CFAP99: variants seen among roughly 807,000 people sequenced by gnomAD.
The protein encoded by CFAP99 is cilia- and flagella-associated protein 99.
Under a neutral mutation model 82.7 loss-of-function variants are expected in CFAP99, and 84 were observed. That is an observed-to-expected ratio of 1.02 (90% CI 0.85 to 1.22). The LOEUF (loss-of-function observed/expected upper bound fraction) is 1.22. Ranked by LOEUF, CFAP99 falls within the 50% of genes most tolerant of loss-of-function variation. CFAP99 has a pLI of 0.00. For synonymous variants in CFAP99, 456 were observed against 429.5 expected (o/e 1.06, Z -0.76); for missense variants, 1,059 against 983.5 (o/e 1.08, Z -1.03).
At chr4:2,458,405 C>T (rs561308869) in intron 11 of CFAP99, among the ~76,000 whole-genome samples, 1 of 152,258 alleles carries the variant, frequency 6.6e-6, no homozygotes, top group African/African-American at 2.4e-5. Flanking sequence ...CTGTGAACAG[C>T]CTACGTTGCT....
chr4:2,458,498 G>A (rs1311255184), intron 11 of CFAP99, among the ~76,000 whole-genome samples: 2 of 152,112 alleles, frequency 1.3e-5, no homozygotes, highest in South Asian at 2.1e-4. Flanking sequence ...TTCCCCCCAA[G>A]ACCACACTGG....
At chr4:2,435,825 G>A (rs964660986) in intron 2 of CFAP99, among the ~76,000 whole-genome samples, 1 of 143,120 alleles carries the variant, frequency 7.0e-6, no homozygotes, top group South Asian at 2.3e-4. Context: ...TCAGGAGGCC[G>A]AGGTGGGAAG....
chr4:2,423,408 C>T (rs893968053), intron 1 of CFAP99, among the ~76,000 whole-genome samples: 6 of 152,242 alleles, frequency 3.9e-5, no homozygotes, highest in African/African-American at 1.4e-4. Flanking sequence ...GTATTCCTGC[C>T]TTGGCAGGCT....
intron 1 of CFAP99, among the ~76,000 whole-genome samples, chr4:2,423,501 G>C (rs562581479): frequency 1.3e-5 from 2 of 152,238 alleles, no homozygotes; most frequent in Admixed American, 6.5e-5. Flanking sequence ...AGCTAGAGGG[G>C]ATCAGAGGAG....
intron 1 of CFAP99, among the ~76,000 whole-genome samples, chr4:2,425,885 G>T (rs1286681353): frequency 6.6e-6 from 1 of 151,948 alleles, no homozygotes; most frequent in Non-Finnish European, 1.5e-5. Context: ...GCCCTCCCCA[G>T]GGCCCTGTTC....
At chr4:2,456,218 A>G (rs1734429619) in intron 11 of CFAP99, among the ~76,000 whole-genome samples, 1 of 151,006 alleles carries the variant, frequency 6.6e-6, no homozygotes, top group African/African-American at 2.4e-5. Flanking sequence ...TTTTTTTGGG[A>G]GATGCGGTTT....
intron 6 of CFAP99, among the ~76,000 whole-genome samples, chr4:2,449,399 G>A (rs746663610): frequency 1.3e-5 from 2 of 151,996 alleles, no homozygotes; most frequent in Non-Finnish European, 2.9e-5. Flanking sequence ...TACGCCCTCA[G>A]TACTGCCGGC....
In CFAP99 at chr4:2,430,261, C is replaced by T. The variant is rs71606396; in HGVS notation, c.111+3675C>T. On this transcript the variant is annotated intron_variant, in intron 2 of 14. Coordinates refer to ENST00000635017, the Ensembl canonical transcript of CFAP99. ...AAAATTACGCAATACGTAAACCAAA[C>T]GGCAGACTGCGGACAGCAGACTGCG... Among the ~76,000 whole-genome samples, 44 of 51,660 alleles carry T rather than the reference C, an allele frequency of 8.5e-4. 1 individual carries two copies. Among genetic ancestry groups the T allele is most frequent in the African/African-American group, 1.4e-3 (13 of 9,464 alleles). 33.9% of individuals were successfully genotyped at this position (51,660 alleles called of 152,430 possible).
intron 4 of CFAP99, 31 bp from the exon 5 acceptor site, chr4:2,443,099 C>T (rs1218702055): frequency 1.9e-5 from 24 of 1,270,794 alleles, no homozygotes; most frequent in Middle Eastern, 1.8e-4. Context: ...GCCCAGGGCT[C>T]CGGCCCCCTG....
chr4:2,452,146 G>C (rs1734315963), exon 11 of CFAP99: 3 of 1,536,186 alleles, frequency 2.0e-6, no homozygotes, highest in Non-Finnish European at 2.6e-6. Context: ...GCCCAGGGTT[G>C]ATAAGCTCGT....
chr4:2,459,247 G>C (rs1342311429), exon 13 of CFAP99: 8 of 1,533,878 alleles, frequency 5.2e-6, no homozygotes, highest in Non-Finnish European at 7.0e-6. Context: ...CAAGCTCGTG[G>C]ACCTGACCCA....
At chr4:2,450,657 G>T (rs1168306810) in intron 8 of CFAP99, among the ~76,000 whole-genome samples, 1 of 152,200 alleles carries the variant, frequency 6.6e-6, no homozygotes, top group Non-Finnish European at 1.5e-5. Flanking sequence ...TGAGGAGAGG[G>T]CCACTGAGCC....
intron 3 of CFAP99, 23 bp downstream of exon 3, chr4:2,437,041 G>A: frequency 6.5e-7 from 1 of 1,535,852 alleles, no homozygotes; most frequent in Non-Finnish European, 8.7e-7. Flanking sequence ...CTGGTCCCCA[G>A]GGCCAGGCCG....
intron 3 of CFAP99, among the ~76,000 whole-genome samples, chr4:2,437,412 G>A (rs1482945835): frequency 6.6e-6 from 1 of 152,212 alleles, no homozygotes; most frequent in Non-Finnish European, 1.5e-5. Context: ...CGCTGCCTGG[G>A]CTTCCTGCAG....
In CFAP99 at chr4:2,448,676, G is replaced by A. The variant is rs1734224182; in HGVS notation, c.643-994G>A. ...GAGCAAGGTGCAGGCAAAGGCCCTGGGGCAGTGCCCACCCTCCCTCAAGTG... is the reference window on the plus strand; with the variant it reads ...GAGCAAGGTGCAGGCAAAGGCCCTGAGGCAGTGCCCACCCTCCCTCAAGTG... On this transcript the variant is annotated intron_variant, in intron 6 of 14. Coordinates refer to ENST00000635017, the Ensembl canonical transcript of CFAP99. The surrounding 1 kb of genome is among the most constrained non-coding windows in gnomAD (Gnocchi z 5.2). 1.3e-5 allele frequency among the ~76,000 whole-genome samples: 2 copies of A among 152,248 alleles called. No homozygotes were observed. Among genetic ancestry groups the A allele is most frequent in the Admixed American group, 1.3e-4 (2 of 15,290 alleles).
exon 11 of CFAP99, chr4:2,452,200 A>G: frequency 6.5e-7 from 1 of 1,536,158 alleles, no homozygotes; most frequent in East Asian, 2.4e-5. Flanking sequence ...GTGGCAGAAG[A>G]AGATGCAGGC....
intron 11 of CFAP99, among the ~76,000 whole-genome samples, chr4:2,454,931 C>CT (rs1027849568): frequency 6.8e-6 from 1 of 146,490 alleles, no homozygotes; most frequent in African/African-American, 2.5e-5. Flanking sequence ...CACAGTTTTT[C>CT]TTTTTTGAGA....
At chr4:2,450,819 T>C in intron 8 of CFAP99, 128 bp from the exon 9 acceptor site, 1 of 721,418 alleles carries the variant, frequency 1.4e-6, no homozygotes, top group South Asian at 1.6e-5. Flanking sequence ...GATGGGCAGC[T>C]GGGGGGAGGA....
intron 6 of CFAP99, among the ~76,000 whole-genome samples, chr4:2,447,095 G>T (rs931925678): frequency 6.6e-6 from 1 of 151,546 alleles, no homozygotes; most frequent in African/African-American, 2.4e-5. Flanking sequence ...TGGGTGGGTG[G>T]ATGGATGGAT....
Sources: gnomAD v4.1 joint callset for allele counts (sites outside exome capture counted in the v4.1 genomes callset) on GRCh38, gnomAD v4.1.1 for gene constraint, Gnocchi (gnomAD v3.1) non-coding constraint, MANE v1.5 for transcripts, NCBI Gene and HGNC (gene_info 2026-07-23, HGNC 2026-07-21) for gene names.